The following STAB2 variants were observed in gnomAD, a reference collection of about 807,000 sequenced individuals.
The protein encoded by STAB2 is stabilin-2.
In STAB2, 288 loss-of-function variants were observed where a neutral mutation model predicts 338.1. The ratio of observed to expected loss-of-function variants is 0.85; its 90% CI spans 0.77 to 0.94. The LOEUF (loss-of-function observed/expected upper bound fraction) is 0.94, where lower values mean the gene tolerates loss of function less well. Ranked by LOEUF, STAB2 falls within the 40% of genes least tolerant of loss-of-function variation. The pLI is 0.00. For missense variants in STAB2, 3,141 were observed against 3,210.1 expected (o/e 0.98, Z 0.52); for synonymous variants, 1,202 against 1,193.3 (o/e 1.01, Z -0.15).
intron 55 of STAB2, among the ~76,000 whole-genome samples, chr12:103,741,085 TG>T (rs1190067581): frequency 6.6e-6 from 1 of 152,200 alleles, no homozygotes; most frequent in Admixed American, 6.5e-5. Context: ...TTGATAAGCA[TG>T]TTTAAAGACT....
rs1454218126 is a variant in STAB2, at chr12:103,755,394, G to A, written c.6807G>A (p.Val2269=). The A allele has an allele frequency of 6.2e-7, 1 of 1,614,136 alleles. No homozygotes were observed. The highest frequency in any genetic ancestry group is 2.2e-5 in the East Asian group (1 of 44,876). Residue 2269 remains valine, a synonymous_variant, in exon 62 of 69, where the codon GTG becomes GTA. Coordinates refer to ENST00000388887, the MANE Select transcript of STAB2 (RefSeq NM_017564.10). ...CCTCCCAGAACTGTGGCTCTGGTGTGGTTGGGATAGTGGACTATGGACCTA... is the reference window on the plus strand; with the variant it reads ...CCTCCCAGAACTGTGGCTCTGGTGTAGTTGGGATAGTGGACTATGGACCTA... The part of the protein sequence containing the change: ...AFASQNCGSG[V]VGIVDYGPRP...
chr12:103,592,182 G>A (rs961191526), intron 2 of STAB2: 3 of 152,078 alleles, frequency 2.0e-5, no homozygotes, highest in Non-Finnish European at 2.9e-5. Flanking sequence ...ATTGAAGTTC[G>A]TATGATACGT....
At chr12:103,748,709 C>T (rs1407612117) in intron 58 of STAB2, among the ~76,000 whole-genome samples, 3 of 151,608 alleles carry the variant, frequency 2.0e-5, no homozygotes, top group Non-Finnish European at 4.4e-5. Flanking sequence ...ATACCAAAGT[C>T]AAGCCTGGAG....
At chr12:103,614,745 G>A (rs1443229008) in intron 3 of STAB2, among the ~76,000 whole-genome samples, 1 of 152,152 alleles carries the variant, frequency 6.6e-6, no homozygotes, top group Non-Finnish European at 1.5e-5. Context: ...TCAACTCATA[G>A]GCATTGCTTC....
rs1416098925 is a variant in STAB2 at position 103,673,975 on chromosome 12, T to C, written c.2440T>C (p.Cys814Arg). The change falls in exon 23 of 69, where the codon TGC becomes CGC. Residue 814 changes from cysteine to arginine, a missense_variant. Coordinates refer to ENST00000388887, the MANE Select transcript of STAB2 (RefSeq NM_017564.10). Reference protein sequence around the residue: ...DSDGACLTGTCRDGSAGRLCD... With the variant: ...DSDGACLTGTRRDGSAGRLCD... ...CGATGGGGCCTGCCTCACTGGCACA[T>C]GCAGAGACGGCTCTGCCGGGAGACT... 1.2e-6 allele frequency: 2 copies of C among 1,614,122 alleles called. No individual in the cohort carries two copies. The highest frequency in any genetic ancestry group is 4.5e-5 in the East Asian group (2 of 44,878).
chr12:103,696,940 G>C (rs952290021), intron 33 of STAB2, among the ~76,000 whole-genome samples: 1 of 152,194 alleles, frequency 6.6e-6, no homozygotes, highest in Non-Finnish European at 1.5e-5. Flanking sequence ...TAAGTATGTG[G>C]CTATGGACGA....
intron 67 of STAB2, chr12:103,763,229 G>A: frequency 2.4e-6 from 1 of 418,294 alleles, no homozygotes; most frequent in Non-Finnish European, 4.4e-6. Flanking sequence ...CAGGCTAAGA[G>A]CATGTGAACA....
intron 11 of STAB2, among the ~76,000 whole-genome samples, chr12:103,651,310 C>T (rs1006122629): frequency 2.2e-4 from 27 of 124,030 alleles, no homozygotes; most frequent in Non-Finnish European, 6.6e-5. Flanking sequence ...TTTTCCTGAT[C>T]TTGATTTTTT....
At chr12:103,741,815 A>G (rs949471098) in intron 55 of STAB2, among the ~76,000 whole-genome samples, 1 of 152,172 alleles carries the variant, frequency 6.6e-6, no homozygotes, top group African/African-American at 2.4e-5. Context: ...AGTAAACCCA[A>G]GGTCCCACTG....
At chr12:103,724,804 T>G (rs189974832) in intron 44 of STAB2, among the ~76,000 whole-genome samples, 171 bp from the exon 45 acceptor site, 95 of 152,310 alleles carry the variant, frequency 6.2e-4, no homozygotes, top group African/African-American at 2.0e-3. Flanking sequence ...GATGCCCCTA[T>G]GAGCATAGGG....
At chr12:103,724,431 C>T (rs1388479357) in intron 44 of STAB2, among the ~76,000 whole-genome samples, 4 of 152,080 alleles carry the variant, frequency 2.6e-5, no homozygotes, top group Admixed American at 6.5e-5. Flanking sequence ...TCAGGTGATG[C>T]GTGTGTAGAG....
At chr12:103,734,293 G>C (rs1341411612) in intron 51 of STAB2, among the ~76,000 whole-genome samples, 1 of 149,308 alleles carries the variant, frequency 6.7e-6, no homozygotes, top group Non-Finnish European at 1.5e-5. Context: ...GAGCAAGCAC[G>C]ATCATATAGG....
intron 3 of STAB2, among the ~76,000 whole-genome samples, chr12:103,616,761 C>T (rs753886683): frequency 1.2e-4 from 19 of 152,194 alleles, no homozygotes; most frequent in Non-Finnish European, 2.6e-4. Flanking sequence ...ACAGGGCTGG[C>T]CCTGGCTCCC....
At chr12:103,688,523 C>G (rs1877635921) in intron 28 of STAB2, among the ~76,000 whole-genome samples, 2 of 152,172 alleles carry the variant, frequency 1.3e-5, no homozygotes, top group Admixed American at 6.5e-5. Context: ...CATGACTCAT[C>G]ATTGTAATTC....
intron 34 of STAB2, among the ~76,000 whole-genome samples, 183 bp downstream of exon 34, chr12:103,699,410 G>A (rs531086883): frequency 3.0e-4 from 45 of 152,250 alleles, no homozygotes; most frequent in Middle Eastern, 3.4e-3. Context: ...TCAGTTCCCC[G>A]TGGCTGGGGA....
Position 103,706,835 on chromosome 12 carries a change from C to T in STAB2, c.4040C>T (p.Pro1347Leu), listed in dbSNP as rs199933343. Residue 1347 changes from proline (P) to leucine (L), a missense_variant, in exon 38 of 69, where the codon CCC becomes CTC. By Grantham distance (98) the Pro-to-Leu change is moderately conservative (BLOSUM62 -3). Transcript: ENST00000388887. ...CAGFFGPQCQPCPGNAQNVCF... is the reference protein window; with the variant it reads ...CAGFFGPQCQLCPGNAQNVCF... ...GGCTTCTTTGGCCCCCAATGCCAGC[C>T]CTGCCCAGGGAATGCCCAGAATGTC... is the stretch of plus-strand genomic sequence containing the variant. 25 of 1,614,248 alleles carry T rather than the reference C, an allele frequency of 1.5e-5. No homozygotes were observed. The East Asian group carries it at 5.6e-4, about 36-fold the overall frequency.
chr12:103,622,807 C>A (rs1430538561), intron 5 of STAB2, among the ~76,000 whole-genome samples: 1 of 152,214 alleles, frequency 6.6e-6, no homozygotes, highest in African/African-American at 2.4e-5. Context: ...CTCTAGGATT[C>A]CACCACTGCC....
intron 3 of STAB2, among the ~76,000 whole-genome samples, chr12:103,613,017 C>T (rs1957150239): frequency 6.6e-6 from 1 of 152,212 alleles, no homozygotes; most frequent in African/African-American, 2.4e-5. Flanking sequence ...TGGTGAACAG[C>T]AAATGTTGCT....
chr12:103,743,004 G>A (rs1292328510), intron 56 of STAB2, among the ~76,000 whole-genome samples: 2 of 149,806 alleles, frequency 1.3e-5, no homozygotes, highest in Non-Finnish European at 3.0e-5. Flanking sequence ...ATTTGCTCAA[G>A]AGCCAGCAAT....
Sources: gnomAD v4.1 joint callset for allele counts (sites outside exome capture counted in the v4.1 genomes callset) on GRCh38, gnomAD v4.1.1 for gene constraint, MANE v1.5 for transcripts, NCBI Gene and HGNC (gene_info 2026-07-23, HGNC 2026-07-21) for gene names.